The following CSMD1 variants were observed in gnomAD, a reference collection of about 807,000 sequenced individuals.
CSMD1 encodes CUB and Sushi multiple domains 1, also known as CUB and sushi domain-containing protein 1.
Under a neutral mutation model 417.5 loss-of-function variants are expected in CSMD1, and 213 were observed. The ratio of observed to expected loss-of-function variants is 0.51; its 90% CI spans 0.46 to 0.57. CSMD1 has a LOEUF of 0.57. Ranked by LOEUF, CSMD1 falls within the 20% of genes least tolerant of loss-of-function variation. The probability of loss-of-function intolerance (pLI) is 0.00; values close to 1 mark genes in which losing one functional copy is unlikely to be tolerated. For missense variants in CSMD1, 6,923 were observed against 4,529.7 expected, an observed-to-expected ratio of 1.53 and a Z score of -15.17; for synonymous variants, 2,862 against 1,736.8, an observed-to-expected ratio of 1.65 and a Z score of -16.11.
chr8:4,471,070 T>A (rs1476501887), intron 2 of CSMD1, among the ~76,000 whole-genome samples: 1 of 152,236 alleles, frequency 6.6e-6, no homozygotes, highest in African/African-American at 2.4e-5. Flanking sequence ...AATAAATCAG[T>A]TAAAATCTTT....
rs535988274 is a variant in CSMD1, at chr8:4,038,696, G to A, written c.416-6597C>T. On this transcript the variant is annotated intron_variant, in intron 3 of 69. Transcript: ENST00000635120. ...GCCATTTACACTCCTTCCCATAGATGCTTCAAGAAAGCAATACTTATTTAG... is the reference window on the plus strand; with the variant it reads ...GCCATTTACACTCCTTCCCATAGATACTTCAAGAAAGCAATACTTATTTAG... Among the ~76,000 whole-genome samples the A allele has an allele frequency of 2.4e-3, 366 of 152,222 alleles. 1 individual carries two copies. The highest frequency in any genetic ancestry group is 7.1e-3 in the South Asian group (34 of 4,810).
At chr8:3,213,592 TG>T (rs1203012583) in intron 30 of CSMD1, among the ~76,000 whole-genome samples, 2 of 152,056 alleles carry the variant, frequency 1.3e-5, no homozygotes, top group African/African-American at 2.4e-5. Flanking sequence ...ATTGCTGTTT[TG>T]GGGGGAAATG....
At chr8:3,976,437 T>G (rs557954867) in intron 5 of CSMD1, among the ~76,000 whole-genome samples, 12 of 152,304 alleles carry the variant, frequency 7.9e-5, no homozygotes, top group South Asian at 6.2e-4. Context: ...GAAAGCAGTT[T>G]CCTTTTGTTT....
chr8:4,026,564 C>G (rs1304551644), intron 4 of CSMD1, among the ~76,000 whole-genome samples: 1 of 152,158 alleles, frequency 6.6e-6, no homozygotes, highest in Non-Finnish European at 1.5e-5. Context: ...TGGCTTAGGC[C>G]AAGTTTTAAT....
At chr8:3,619,530 G>T (rs1006786568) in intron 7 of CSMD1, among the ~76,000 whole-genome samples, 1 of 152,022 alleles carries the variant, frequency 6.6e-6, no homozygotes, top group African/African-American at 2.4e-5. Flanking sequence ...TTATAGATAT[G>T]AATTTAAATA....
chr8:3,392,062 C>G (rs936179703), intron 17 of CSMD1, among the ~76,000 whole-genome samples: 1 of 134,850 alleles, frequency 7.4e-6, no homozygotes, highest in African/African-American at 2.9e-5. Flanking sequence ...ACAATGAGAA[C>G]AAATGGATCC....
intron 4 of CSMD1, among the ~76,000 whole-genome samples, chr8:4,018,959 C>T (rs536138232): frequency 6.6e-6 from 1 of 152,190 alleles, no homozygotes; most frequent in African/African-American, 2.4e-5. Context: ...CATTGTCTGA[C>T]ATTTTGTGAT....
chr8:3,211,655 G>A (rs1055846720), intron 30 of CSMD1, among the ~76,000 whole-genome samples: 1 of 152,220 alleles, frequency 6.6e-6, no homozygotes, highest in African/African-American at 2.4e-5. Flanking sequence ...GTCTTGTCTG[G>A]AGTGACACAG....
chr8:4,751,811 C>A (rs1356850775), intron 1 of CSMD1, among the ~76,000 whole-genome samples: 1 of 152,144 alleles, frequency 6.6e-6, no homozygotes, highest in African/African-American at 2.4e-5. Context: ...CATGCAGAGT[C>A]CACATGATGT....
intron 23 of CSMD1, among the ~76,000 whole-genome samples, chr8:3,316,474 G>C (rs767859150): frequency 6.6e-6 from 1 of 152,108 alleles, no homozygotes; most frequent in African/African-American, 2.4e-5. Flanking sequence ...TTTGCGTGAA[G>C]GTTGAGAGGG....
chr8:3,907,600 C>G (rs985658869), intron 5 of CSMD1, among the ~76,000 whole-genome samples: 4 of 152,134 alleles, frequency 2.6e-5, no homozygotes, highest in African/African-American at 9.7e-5. Flanking sequence ...AGGCCAACAT[C>G]ATGAAAAACA....
At chr8:3,586,024 C>A in intron 9 of CSMD1, 112 bp downstream of exon 9, 9 of 1,116,148 alleles carry the variant, frequency 8.1e-6, no homozygotes, top group Non-Finnish European at 1.1e-5. Flanking sequence ...TACATTACTA[C>A]CGAATTCTAC....
At chr8:4,119,995 A>T (rs79828154) in intron 3 of CSMD1, among the ~76,000 whole-genome samples, 18,111 of 152,210 alleles carry the variant, frequency 0.12, 1,451 homozygotes, top group Non-Finnish European at 0.18. Context: ...AGTATTTGAT[A>T]GCACAATAGG....
chr8:4,501,231 C>T (rs1242522121), intron 2 of CSMD1, among the ~76,000 whole-genome samples: 3 of 151,766 alleles, frequency 2.0e-5, no homozygotes, highest in Non-Finnish European at 4.4e-5. Flanking sequence ...CATTGCTGGG[C>T]CAGAGATAGA....
intron 3 of CSMD1, among the ~76,000 whole-genome samples, chr8:4,328,193 T>G (rs1799664444): frequency 1.3e-5 from 2 of 152,000 alleles, no homozygotes. Flanking sequence ...GTAAGTAAGC[T>G]TGTATTTGAC....
intron 8 of CSMD1, among the ~76,000 whole-genome samples, chr8:3,589,811 G>C (rs1800769422): frequency 6.6e-6 from 1 of 152,062 alleles, no homozygotes; most frequent in African/African-American, 2.4e-5. Flanking sequence ...AGCTTGATTT[G>C]ACCATTTCAC....
intron 3 of CSMD1, among the ~76,000 whole-genome samples, chr8:4,135,344 A>G (rs1563169066): frequency 7.3e-5 from 2 of 27,490 alleles, no homozygotes; most frequent in Non-Finnish European, 1.6e-4. Context: ...GAAAGAAGGA[A>G]GGAAGGGAAA....
At chr8:4,980,211 G>A (rs73179222) in intron 1 of CSMD1, among the ~76,000 whole-genome samples, 38,469 of 152,108 alleles carry the variant, frequency 0.25, 6,189 homozygotes, top group Non-Finnish European at 0.36. Context: ...CCTGAGCTTC[G>A]AGGTTGGATA....
chr8:3,095,747 G>C (rs1194770355), intron 47 of CSMD1, among the ~76,000 whole-genome samples: 1 of 152,076 alleles, frequency 6.6e-6, no homozygotes, highest in Non-Finnish European at 1.5e-5. Flanking sequence ...AGCCATAATT[G>C]TAACTGGTCT....
Sources: allele counts gnomAD v4.1 joint callset (sites outside exome capture counted in the v4.1 genomes callset), GRCh38; gene constraint gnomAD v4.1.1; transcripts MANE v1.5; gene names NCBI Gene and HGNC (gene_info 2026-07-23, HGNC 2026-07-21).